Variants in LUZP2 observed in about 807,000 individuals in gnomAD.
The protein encoded by LUZP2 is leucine zipper protein 2.
A neutral mutation model predicts 51.6 loss-of-function variants in LUZP2; 52 were observed. The ratio of observed to expected loss-of-function variants is 1.01; its 90% CI spans 0.81 to 1.27. LUZP2 has a LOEUF of 1.27. Among genes scored for constraint, LUZP2 ranks in the 50% most tolerant of loss-of-function variants. LUZP2 has a pLI of 0.00. For missense variants in LUZP2, 436 were observed against 395.4 expected (o/e 1.10, Z -0.87); for synonymous variants, 154 against 137.3 (o/e 1.12, Z -0.85).
Position 24,530,008 on chromosome 11 carries a change from A to G in LUZP2, c.62+32703A>G, listed in dbSNP as rs376770359. Reference sequence around the variant, plus strand: ...AAAATAAACACTTCATTTTTAGGTTAGACTTTAGTTATTGTGGAAGCTTTA... The same window carrying G: ...AAAATAAACACTTCATTTTTAGGTTGGACTTTAGTTATTGTGGAAGCTTTA... On this transcript the variant is annotated intron_variant, in intron 1 of 11. Coordinates refer to ENST00000336930, the MANE Select transcript of LUZP2 (RefSeq NM_001009909.4). Among the ~76,000 whole-genome samples, 10 of 151,024 alleles carry G rather than the reference A, an allele frequency of 6.6e-5. No homozygotes were observed. The East Asian group carries it at 7.7e-4, about 12-fold the overall frequency.
In LUZP2 at chr11:25,008,913, T is replaced by C. The variant is rs577589298; in HGVS notation, c.765+25620T>C. ...TGGCTAAAAGGCATCAAGGAAGTTC[T>C]CACTCTGGTAGTAGGCTCTTCCTGG... On this transcript the variant is annotated intron_variant, in intron 9 of 11. Transcript: ENST00000336930. Among the ~76,000 whole-genome samples, 3 of 152,308 alleles carry C rather than the reference T, an allele frequency of 2.0e-5. No homozygotes were observed. The South Asian group carries it at 6.2e-4, about 32-fold the overall frequency.
chr11:24,766,215 G>A (rs1481866400), intron 5 of LUZP2, among the ~76,000 whole-genome samples: 1 of 151,932 alleles, frequency 6.6e-6, no homozygotes, highest in Non-Finnish European at 1.5e-5. Flanking sequence ...TGGGCCGTCT[G>A]CTTTTCTCTT....
At chr11:24,802,504 A>G (rs1457955923) in intron 5 of LUZP2, among the ~76,000 whole-genome samples, 1 of 151,982 alleles carries the variant, frequency 6.6e-6, no homozygotes, top group Non-Finnish European at 1.5e-5. Flanking sequence ...CACATAAGAT[A>G]AAATTTACCT....
intron 1 of LUZP2, among the ~76,000 whole-genome samples, chr11:24,630,866 CT>C (rs1459466068): frequency 6.6e-6 from 1 of 151,660 alleles, no homozygotes; most frequent in South Asian, 2.1e-4. Context: ...GTCACCTACA[CT>C]TTTTTTCATT....
Position 25,082,216 on chromosome 11 carries a change from A to T in LUZP2, c.*3558A>T, listed in dbSNP as rs886641142. ...GTTTAGCATCATAGTGCTGTTTCAGATACAGATCTGTTTCATCAAATATCC... is the reference window on the plus strand; with the variant it reads ...GTTTAGCATCATAGTGCTGTTTCAGTTACAGATCTGTTTCATCAAATATCC... On this transcript the variant is annotated 3_prime_UTR_variant, in exon 12 of 12. Transcript: ENST00000336930. 6.6e-6 allele frequency: 1 copy of T among 152,620 alleles called. No individual in the cohort carries two copies. The highest frequency in any genetic ancestry group is 2.4e-5 in the African/African-American group (1 of 41,464). The allele number at this position is 152,620 out of a possible 1,614,324, so 9.5% of individuals were successfully genotyped here. A position where few individuals can be genotyped will look rare whatever the true frequency, so the allele number is the denominator to read the frequency against.
chr11:24,534,510 C>CAT (rs137922847), intron 1 of LUZP2, among the ~76,000 whole-genome samples: 63,146 of 150,170 alleles, frequency 0.42, 13,783 homozygotes, highest in African/African-American at 0.52. Flanking sequence ...ATATAGAAAG[C>CAT]ATATATAGAG....
chr11:24,527,048 A>G (rs1378341529), intron 1 of LUZP2, among the ~76,000 whole-genome samples: 1 of 151,324 alleles, frequency 6.6e-6, no homozygotes, highest in African/African-American at 2.4e-5. Context: ...CTTTATTTCA[A>G]TCCAAACAAT....
Position 25,078,705 on chromosome 11 carries a change from A to G in LUZP2, c.*47A>G, listed in dbSNP as rs1859391941. The G allele has an allele frequency of 1.4e-6, 2 of 1,400,708 alleles. No homozygotes were observed. Among genetic ancestry groups the G allele is most frequent in the African/African-American group, 1.4e-5 (1 of 69,156 alleles). 86.8% of individuals were successfully genotyped at this position (1,400,708 alleles called of 1,614,324 possible). A position where few individuals can be genotyped will look rare whatever the true frequency, so the allele number is the denominator to read the frequency against. On this transcript the variant is annotated 3_prime_UTR_variant, in exon 12 of 12. Transcript: ENST00000336930. ...AACGTCCATTTGCTATTGTCTTCAT[A>G]TTCTTTTTAGACCACAAGCTTGATG...
intron 4 of LUZP2, among the ~76,000 whole-genome samples, chr11:24,754,908 G>A (rs1859715891): frequency 6.6e-6 from 1 of 152,138 alleles, no homozygotes; most frequent in African/African-American, 2.4e-5. Flanking sequence ...CATTTTGCGG[G>A]GGCGAGGTGG....
rs150589476 is a variant in LUZP2, at chr11:24,590,771, T to C, written c.62+93466T>C. Among the ~76,000 whole-genome samples, 316 of 152,294 alleles carry C rather than the reference T, an allele frequency of 2.1e-3. 1 individual carries two copies. The highest frequency in any genetic ancestry group is 6.8e-3 in the Middle Eastern group (2 of 294). On this transcript the variant is annotated intron_variant, in intron 1 of 11. Coordinates refer to ENST00000336930, the MANE Select transcript of LUZP2 (RefSeq NM_001009909.4). The stretch of plus-strand genomic sequence containing the variant: ...GCCTTCTAAAATCAATCTCAGGATA[T>C]ATGTGTTTTTTTTCCCCCATGAATA...
chr11:24,570,067 A>C (rs1852384228), intron 1 of LUZP2, among the ~76,000 whole-genome samples: 1 of 152,074 alleles, frequency 6.6e-6, no homozygotes, highest in Admixed American at 6.6e-5. Flanking sequence ...CTTAACAATG[A>C]GATGAACATA....
At chr11:24,834,219 A>G (rs1314044746) in intron 5 of LUZP2, among the ~76,000 whole-genome samples, 1 of 151,982 alleles carries the variant, frequency 6.6e-6, no homozygotes, top group East Asian at 1.9e-4. Context: ...TGCATTAGGT[A>G]TTTGTCCTAA....
chr11:24,836,006 G>T (rs1850850250), intron 5 of LUZP2, among the ~76,000 whole-genome samples: 1 of 151,972 alleles, frequency 6.6e-6, no homozygotes, highest in Admixed American at 6.6e-5. Flanking sequence ...TGATGTAAAT[G>T]CAGATGCCAT....
At position 24,705,467 on chromosome 11, in the gene LUZP2, G is replaced by T. The variant is rs1279201983; in HGVS notation, c.63-23702G>T. 2.6e-5 allele frequency among the ~76,000 whole-genome samples: 4 copies of T among 152,270 alleles called. No homozygotes were observed. The East Asian group carries it at 5.8e-4, about 22-fold the overall frequency. On this transcript the variant is annotated intron_variant, in intron 1 of 11. Coordinates refer to ENST00000336930, the MANE Select transcript of LUZP2 (RefSeq NM_001009909.4). ...TAGTGTTCTAAGATGTGAGAATGGG[G>T]GATTTGGTTTCAATGCTGCTGAAAT...
chr11:24,676,320 G>A (rs112011272), intron 1 of LUZP2, among the ~76,000 whole-genome samples: 157 of 152,052 alleles, frequency 1.0e-3, no homozygotes, highest in Admixed American at 3.1e-3. Flanking sequence ...ATGTAGCTTC[G>A]GAAAAATCAA....
At chr11:25,015,702 C>T (rs12363484) in intron 9 of LUZP2, among the ~76,000 whole-genome samples, 1 of 151,988 alleles carries the variant, frequency 6.6e-6, no homozygotes, top group Non-Finnish European at 1.5e-5. Flanking sequence ...TACATGGTAT[C>T]TACATGTATT....
chr11:24,657,529 G>A (rs543457501), intron 1 of LUZP2, among the ~76,000 whole-genome samples: 1 of 152,238 alleles, frequency 6.6e-6, no homozygotes, highest in South Asian at 2.1e-4. Flanking sequence ...AGACAGGGAT[G>A]CCCTCTCTCA....
At chr11:24,613,490 C>G (rs1163507844) in intron 1 of LUZP2, among the ~76,000 whole-genome samples, 15 of 151,674 alleles carry the variant, frequency 9.9e-5, no homozygotes. Context: ...CTACATTTAA[C>G]TTTTTTTTAA....
chr11:25,065,714 CAGGTAG>C (rs1462967647), intron 10 of LUZP2, among the ~76,000 whole-genome samples: 1 of 151,698 alleles, frequency 6.6e-6, no homozygotes, highest in Non-Finnish European at 1.5e-5. Context: ...ATAATTACTC[CAGGTAG>C]AGGAATGAGG....
Sources: allele counts gnomAD v4.1 joint callset (sites outside exome capture counted in the v4.1 genomes callset), GRCh38; gene constraint gnomAD v4.1.1; transcripts MANE v1.5; gene names NCBI Gene and HGNC (gene_info 2026-07-23, HGNC 2026-07-21).